NMD3: variants seen among roughly 807,000 people sequenced by gnomAD.
The protein encoded by NMD3 is NMD3 ribosome export adaptor, also known as 60S ribosomal export protein NMD3.
Under a neutral mutation model 73.1 loss-of-function variants are expected in NMD3, and 47 were observed. That is an observed-to-expected ratio of 0.64 (90% CI 0.51 to 0.82). NMD3 has a LOEUF of 0.82. Among genes scored for constraint, NMD3 ranks in the 40% least tolerant of loss-of-function variants. The pLI is 0.00. For synonymous variants in NMD3, 210 were observed against 194.5 expected, an observed-to-expected ratio of 1.08 and a Z score of -0.66; for missense variants, 554 against 612.5, an observed-to-expected ratio of 0.90 and a Z score of 1.01.
intron 8 of NMD3, among the ~76,000 whole-genome samples, chr3:161,238,443 G>A (rs113424578): frequency 1.3e-5 from 2 of 152,170 alleles, no homozygotes; most frequent in African/African-American, 4.8e-5. Flanking sequence ...GATTTGCAGT[G>A]GGCGTTAGTA....
intron 15 of NMD3, 88 bp downstream of exon 15, chr3:161,250,414 C>T (rs894832601): frequency 4.0e-6 from 3 of 746,448 alleles, no homozygotes; most frequent in Non-Finnish European, 6.6e-6. Context: ...AGCTTTGATT[C>T]TCATAAATGT....
intron 7 of NMD3, among the ~76,000 whole-genome samples, chr3:161,235,907 C>T (rs924117553): frequency 6.6e-6 from 1 of 152,042 alleles, no homozygotes; most frequent in African/African-American, 2.4e-5. Context: ...ACTCACCTCA[C>T]CTTAGACTAG....
chr3:161,235,372 C>G (rs577579530), intron 7 of NMD3, 160 bp downstream of exon 7: 2 of 399,646 alleles, frequency 5.0e-6, no homozygotes, highest in Non-Finnish European at 9.1e-6. Flanking sequence ...TCTGCACTGT[C>G]CAGTATGGTA....
Position 161,242,652 on chromosome 3 carries a change from A to C in NMD3, c.1016A>C (p.Lys339Thr). 1 of 1,610,394 alleles carries C rather than the reference A, an allele frequency of 6.2e-7. No individual in the cohort carries two copies. The highest frequency in any genetic ancestry group is 8.5e-7 in the Non-Finnish European group (1 of 1,177,820). ...GCAGGTGCTGGAATGATATCAAAAA[A>C]GGTAAGCTACATCCTGCCTGCCAGT... ...RAAGAGMISKKHTLGEVWVQK... is the reference protein window; with the variant it reads ...RAAGAGMISKTHTLGEVWVQK... Residue 339 changes from lysine (K) to threonine (T), a missense_variant and splice_region_variant, in exon 11 of 16, where the codon AAG becomes ACG. Physicochemically the swap from Lys to Thr is moderately conservative, Grantham distance 78. Coordinates refer to ENST00000351193, the MANE Select transcript of NMD3 (RefSeq NM_015938.5).
At chr3:161,250,400 C>A in intron 15 of NMD3, 74 bp downstream of exon 15, 1 of 872,966 alleles carries the variant, frequency 1.1e-6, no homozygotes, top group Non-Finnish European at 1.8e-6. Flanking sequence ...ATTTTGGTAT[C>A]TTAAGCTTTG....
At chr3:161,226,512 A>T (rs1018655811) in intron 3 of NMD3, among the ~76,000 whole-genome samples, 4 of 152,182 alleles carry the variant, frequency 2.6e-5, no homozygotes, top group Non-Finnish European at 5.9e-5. Flanking sequence ...GACCTGTGTA[A>T]TGTTTTTGAT....
Position 161,236,418 on chromosome 3 carries a change from C to T in NMD3, c.577+1206C>T, listed in dbSNP as rs569391855. Among the ~76,000 whole-genome samples, 14 of 152,116 alleles carry T rather than the reference C, an allele frequency of 9.2e-5. No homozygotes were observed. The South Asian group carries it at 2.9e-3, about 32-fold the overall frequency. Reference sequence around the variant, plus strand: ...TGGTATCTCATTGTGGTTTTAATTTCCATTTTGCTAATGACTAACGATGTT... The same window carrying T: ...TGGTATCTCATTGTGGTTTTAATTTTCATTTTGCTAATGACTAACGATGTT... On this transcript the variant is annotated intron_variant, in intron 7 of 15. Transcript: ENST00000351193.
intron 7 of NMD3, among the ~76,000 whole-genome samples, chr3:161,237,871 C>T (rs1270315658): frequency 6.6e-6 from 1 of 151,976 alleles, no homozygotes; most frequent in Non-Finnish European, 1.5e-5. Flanking sequence ...TCCCCCTTGG[C>T]CTTGAGTTTT....
chr3:161,221,306 ATCT>A (rs1482413739), upstream of NMD3: 1 of 152,214 alleles, frequency 6.6e-6, no homozygotes, highest in Non-Finnish European at 1.5e-5. Context: ...CGCTCGCGAG[ATCT>A]TCTCTGTGGC....
intron 4 of NMD3, among the ~76,000 whole-genome samples, chr3:161,232,893 C>T (rs181309968): frequency 3.9e-5 from 6 of 152,166 alleles, no homozygotes; most frequent in African/African-American, 1.4e-4. Flanking sequence ...CTGTTTTGGC[C>T]TATGCAGATG....
chr3:161,238,050 GT>G, intron 7 of NMD3, 62 bp from the exon 8 acceptor site: 1 of 1,049,294 alleles, frequency 9.5e-7, no homozygotes, highest in African/African-American at 1.6e-5. Context: ...ATATAGTCAT[GT>G]TAGTAGAGGA....
intron 12 of NMD3, 88 bp downstream of exon 12, chr3:161,246,536 GT>G: frequency 1.9e-6 from 1 of 516,546 alleles, no homozygotes; most frequent in Admixed American, 2.9e-5. Flanking sequence ...TACTAACATT[GT>G]TTATTCTAAA....
chr3:161,238,250 CA>C, intron 8 of NMD3, 59 bp downstream of exon 8: 1 of 1,014,340 alleles, frequency 9.9e-7, no homozygotes, highest in Non-Finnish European at 1.5e-6. Context: ...ATGCGGATCA[CA>C]TATATTCTTC....
chr3:161,237,317 T>C (rs1314827402), intron 7 of NMD3, among the ~76,000 whole-genome samples: 2 of 152,158 alleles, frequency 1.3e-5, no homozygotes, highest in African/African-American at 2.4e-5. Context: ...AACTCGACCT[T>C]GATAGTTGGT....
At chr3:161,244,133 TTTAA>T (rs1737099988) in intron 11 of NMD3, among the ~76,000 whole-genome samples, 1 of 152,190 alleles carries the variant, frequency 6.6e-6, no homozygotes. Context: ...CATACATTCT[TTTAA>T]TTAATTAATT....
chr3:161,227,437 ATTTTTTTTTT>A (rs55825529), intron 4 of NMD3, 94 bp downstream of exon 4: 1 of 359,854 alleles, frequency 2.8e-6, no homozygotes, highest in Non-Finnish European at 4.8e-6. Flanking sequence ...TTCAAAAGGA[ATTTTTTTTTT>A]TTTTTTTTTT....
chr3:161,239,545 A>G (rs1303848758), intron 9 of NMD3, among the ~76,000 whole-genome samples: 1 of 152,188 alleles, frequency 6.6e-6, no homozygotes, highest in Non-Finnish European at 1.5e-5. Flanking sequence ...CTTTCACCTC[A>G]TTCTCATCTC....
In NMD3 at chr3:161,249,473, A is replaced by G. The variant is rs1737387900; in HGVS notation, c.1223A>G (p.Tyr408Cys). Residue 408 changes from tyrosine (Y) to cysteine (C), a missense_variant, in exon 14 of 16, where the codon TAT (tyrosine) becomes TGT (cysteine). By Grantham distance (194) the Tyr-to-Cys change is radical. Transcript: ENST00000351193. The stretch of plus-strand genomic sequence containing the variant: ...TTGCAGGTATTAATCAAGAAGAGCT[A>G]TGACCGGACCAAACGTCAGCGTCGT... ...VPDVVLIKKSYDRTKRQRRRN... is the reference protein window; with the variant it reads ...VPDVVLIKKSCDRTKRQRRRN... 2 of 1,608,728 alleles carry G rather than the reference A, an allele frequency of 1.2e-6. No homozygotes were observed. The highest frequency in any genetic ancestry group is 8.5e-7 in the Non-Finnish European group (1 of 1,177,478).
At position 161,242,517 on chromosome 3, in the gene NMD3, T is replaced by C. The variant is rs758824936; in HGVS notation, c.881T>C (p.Ile294Thr). 8 of 1,612,880 alleles carry C rather than the reference T, an allele frequency of 5.0e-6. No homozygotes were observed. The highest frequency in any genetic ancestry group is 3.3e-5 in the Admixed American group (2 of 59,908). The change falls in exon 11 of 16, where the codon ATT (isoleucine) becomes ACT (threonine). Residue 294 changes from isoleucine to threonine, a missense_variant. Physicochemically the swap from Ile to Thr is moderately conservative, Grantham distance 89. Transcript: ENST00000351193. ...CTATCCTTATTTTTAGTGGCAGATA[T>C]TGATGGGAGCACTTTCTGGAGTCAC... Reference protein sequence around the residue: ...IDPNTLQVADIDGSTFWSHPF... With the variant: ...IDPNTLQVADTDGSTFWSHPF...
Sources: gnomAD v4.1 joint callset for allele counts (sites outside exome capture counted in the v4.1 genomes callset) on GRCh38, gnomAD v4.1.1 for gene constraint, MANE v1.5 for transcripts, NCBI Gene and HGNC (gene_info 2026-07-23, HGNC 2026-07-21) for gene names.